PCDH15: variants seen among roughly 807,000 people sequenced by gnomAD.
PCDH15 encodes protocadherin-15.
In PCDH15, 129 loss-of-function variants were observed where a neutral mutation model predicts 178.5. The observed-to-expected ratio is 0.72, with a 90% CI of 0.63 to 0.84. The LOEUF is 0.84. Ranked by LOEUF, PCDH15 falls within the 40% of genes least tolerant of loss-of-function variation. The pLI is 0.00. For missense variants in PCDH15, 2,230 were observed against 2,099.9 expected, an observed-to-expected ratio of 1.06 and a Z score of -1.21; for synonymous variants, 800 against 732.0, an observed-to-expected ratio of 1.09 and a Z score of -1.50.
chr10:55,380,500 A>T (rs946466108), intron 2 of PCDH15, among the ~76,000 whole-genome samples: 1 of 152,174 alleles, frequency 6.6e-6, no homozygotes, highest in African/African-American at 2.4e-5. Flanking sequence ...TAGTGCAAAA[A>T]GCAAATTTGT....
At chr10:54,288,807 G>A (rs369149117) in intron 8 of PCDH15, among the ~76,000 whole-genome samples, 1 of 152,220 alleles carries the variant, frequency 6.6e-6, no homozygotes, top group Admixed American at 6.5e-5. Context: ...AGCCTGGCTG[G>A]GGGAGGTGCG....
At chr10:54,672,217 A>G (rs1469229681) in intron 1 of PCDH15, among the ~76,000 whole-genome samples, 1 of 151,358 alleles carries the variant, frequency 6.6e-6, no homozygotes, top group Non-Finnish European at 1.5e-5. Context: ...ATCATTATAT[A>G]TTATAATATA....
intron 2 of PCDH15, among the ~76,000 whole-genome samples, chr10:55,325,012 C>A (rs370680455): frequency 2.6e-5 from 4 of 152,012 alleles, no homozygotes; most frequent in African/African-American, 9.6e-5. Flanking sequence ...TACAGCTAAT[C>A]AGAGAGGTAA....
At chr10:55,179,417 G>A (rs893303945) in intron 1 of PCDH15, among the ~76,000 whole-genome samples, 2 of 152,038 alleles carry the variant, frequency 1.3e-5, no homozygotes, top group Non-Finnish European at 2.9e-5. Flanking sequence ...TGCCAGTTCT[G>A]GATAGAGTCC....
chr10:55,548,210 GCACACACA>G (rs200097115), intron 2 of PCDH15, among the ~76,000 whole-genome samples: 3,922 of 121,238 alleles, frequency 0.032, 158 homozygotes, highest in African/African-American at 0.098. Context: ...AATGCCTAAT[GCACACACA>G]CACACACACA....
At position 55,359,720 on chromosome 10, in the gene PCDH15, G is replaced by GTATATA. The variant is rs57949952; in HGVS notation, c.-155-193075_-155-193070dup. 8.4e-3 allele frequency among the ~76,000 whole-genome samples: 949 copies of GTATATA among 112,684 alleles called. 2 individuals are homozygous for GTATATA. Among genetic ancestry groups the GTATATA allele is most frequent in the South Asian group, 0.015 (49 of 3,218 alleles). The allele number at this position is 112,684 out of a possible 152,430, so 73.9% of individuals were successfully genotyped here. ...GATGAACAAATAAAGAAAATGTGGT[G>GTATATA]TATATATATATATATATATATATAT... On this transcript the variant is annotated intron_variant, in intron 2 of 5. Transcript: ENST00000613346.
intron 2 of PCDH15, among the ~76,000 whole-genome samples, chr10:54,569,959 T>C (rs1225383293): frequency 6.6e-6 from 1 of 152,122 alleles, no homozygotes; most frequent in Non-Finnish European, 1.5e-5. Context: ...AGTTAAAAGC[T>C]ATAAATCAGA....
intron 23 of PCDH15, among the ~76,000 whole-genome samples, chr10:53,943,162 C>T (rs773571484): frequency 3.3e-5 from 5 of 152,042 alleles, no homozygotes; most frequent in African/African-American, 7.2e-5. Context: ...AAGACGTCTG[C>T]AACTTATGCA....
chr10:54,480,240 C>A (rs1037192789), intron 3 of PCDH15, among the ~76,000 whole-genome samples: 2 of 152,012 alleles, frequency 1.3e-5, no homozygotes, highest in African/African-American at 4.8e-5. Context: ...GTGTAATGAG[C>A]TGCTTTTAGA....
At chr10:55,533,348 G>C (rs923470345) in intron 2 of PCDH15, among the ~76,000 whole-genome samples, 1 of 151,868 alleles carries the variant, frequency 6.6e-6, no homozygotes, top group Non-Finnish European at 1.5e-5. Context: ...CTTCACCAAG[G>C]TCTTACTAGA....
At chr10:54,768,362 C>G (rs558060994) in intron 1 of PCDH15, among the ~76,000 whole-genome samples, 1 of 152,240 alleles carries the variant, frequency 6.6e-6, no homozygotes, top group Non-Finnish European at 1.5e-5. Context: ...CCACTGAGCT[C>G]TGTTGTCCGT....
At chr10:54,336,008 T>C (rs865804707) in intron 6 of PCDH15, among the ~76,000 whole-genome samples, 6 of 152,084 alleles carry the variant, frequency 3.9e-5, no homozygotes, top group Admixed American at 2.0e-4. Context: ...GAGATGAGGA[T>C]ACTGGAGTAA....
At position 54,303,579 on chromosome 10, in the gene PCDH15, C is replaced by T. The variant is rs150064358; in HGVS notation, c.876+13692G>A. On this transcript the variant is annotated intron_variant, in intron 8 of 37. Coordinates refer to ENST00000644397, the MANE Select transcript of PCDH15 (RefSeq NM_001384140.1). ...TCATGCATGTATTACAAGTAAGATA[C>T]TCTGCAATGTATACAAGAGAATGTA... Among the ~76,000 whole-genome samples the T allele has an allele frequency of 3.9e-4, 59 of 152,116 alleles. 1 individual carries two copies. The East Asian group carries it at 0.011, about 28-fold the overall frequency.
At chr10:54,509,294 T>A (rs946422818) in intron 3 of PCDH15, among the ~76,000 whole-genome samples, 5 of 152,082 alleles carry the variant, frequency 3.3e-5, no homozygotes, top group African/African-American at 1.2e-4. Flanking sequence ...CATACTGTTC[T>A]CGTGGTAGTG....
chr10:54,511,642 G>A (rs1254423992), intron 3 of PCDH15, among the ~76,000 whole-genome samples: 1 of 152,058 alleles, frequency 6.6e-6, no homozygotes, highest in African/African-American at 2.4e-5. Context: ...ATTAAATTTG[G>A]AAAATAGTCT....
At chr10:53,901,777 C>CCAGA (rs1405444450) in intron 26 of PCDH15, among the ~76,000 whole-genome samples, 2 of 152,118 alleles carry the variant, frequency 1.3e-5, no homozygotes, top group African/African-American at 4.8e-5. Context: ...CTTAAGAATC[C>CCAGA]ATGTCTTGAT....
At chr10:54,147,262 C>T (rs962284770) in intron 14 of PCDH15, among the ~76,000 whole-genome samples, 1 of 151,416 alleles carries the variant, frequency 6.6e-6, no homozygotes, top group African/African-American at 2.4e-5. Context: ...TGATATTTCA[C>T]CAAACATTCT....
intron 2 of PCDH15, among the ~76,000 whole-genome samples, chr10:54,633,224 G>A (rs950178261): frequency 6.6e-6 from 1 of 152,038 alleles, no homozygotes; most frequent in African/African-American, 2.4e-5. Flanking sequence ...TGAAGGTCAG[G>A]GAGCAAATTA....
intron 8 of PCDH15, among the ~76,000 whole-genome samples, chr10:54,276,855 G>A (rs2058377859): frequency 6.6e-6 from 1 of 151,486 alleles, no homozygotes; most frequent in Non-Finnish European, 1.5e-5. Flanking sequence ...AATAAATAGT[G>A]CTATATTTTT....
Sources: gnomAD v4.1 joint callset for allele counts (sites outside exome capture counted in the v4.1 genomes callset) on GRCh38, gnomAD v4.1.1 for gene constraint, MANE v1.5 for transcripts, NCBI Gene and HGNC (gene_info 2026-07-23, HGNC 2026-07-21) for gene names.